CELF2: variants seen among roughly 807,000 people sequenced by gnomAD.
CELF2 encodes the protein CUG triplet repeat RNA-binding protein 2.
A neutral mutation model predicts 62.6 loss-of-function variants in CELF2; 8 were observed. The ratio of observed to expected loss-of-function variants is 0.13; its 90% confidence interval spans 0.07 to 0.23. The LOEUF (loss-of-function observed/expected upper bound fraction) is 0.23. Among genes scored for constraint, CELF2 ranks in the 10% least tolerant of loss-of-function variants. CELF2 has a pLI of 1.00. For synonymous variants in CELF2, 258 were observed against 250.0 expected (o/e 1.03, Z -0.30); for missense variants, 333 against 671.0 (o/e 0.50, Z 5.56).
At chr10:10,652,762 A>G in the CELF2 span, among the ~76,000 whole-genome samples, 1 of 152,122 alleles carries the variant, frequency 6.6e-6, no homozygotes, top group African/African-American at 2.4e-5. Flanking sequence ...CAGCCGCTGC[A>G]AAATCATGCC....
intron 1 of CELF2, among the ~76,000 whole-genome samples, chr10:11,150,713 A>C (rs117831348): frequency 0.013 from 2,052 of 152,300 alleles, 136 homozygotes; most frequent in Admixed American, 0.12. Context: ...TTTGCTTTTG[A>C]AGCTGTGCTA....
At chr10:11,276,911 C>T (rs746854563) in intron 8 of CELF2, among the ~76,000 whole-genome samples, 2 of 152,244 alleles carry the variant, frequency 1.3e-5, no homozygotes, top group African/African-American at 2.4e-5. Flanking sequence ...TGCCGAGGAG[C>T]AGATGGCTAA....
the CELF2 span, among the ~76,000 whole-genome samples, chr10:10,584,653 G>A: frequency 6.6e-6 from 1 of 152,170 alleles, no homozygotes; most frequent in African/African-American, 2.4e-5. Context: ...TGAATCACTT[G>A]TGGAGCTTAC....
chr10:10,531,158 C>T, the CELF2 span, among the ~76,000 whole-genome samples: 392 of 152,312 alleles, frequency 2.6e-3, no homozygotes, highest in African/African-American at 9.1e-3. Context: ...AATTGGCATC[C>T]GCTTGTGGTC....
At chr10:10,606,639 A>G in the CELF2 span, among the ~76,000 whole-genome samples, 4 of 152,200 alleles carry the variant, frequency 2.6e-5, no homozygotes, top group Admixed American at 2.6e-4. Flanking sequence ...TCTTTGTAAC[A>G]TGTTCTAACC....
intron 2 of CELF2, among the ~76,000 whole-genome samples, chr10:10,970,355 C>T (rs1176073487): frequency 1.3e-5 from 2 of 152,114 alleles, no homozygotes; most frequent in African/African-American, 2.4e-5. Context: ...GTGTAAGCCA[C>T]CAAGCCCAGC....
At chr10:11,144,711 G>A (rs1201820944) in intron 1 of CELF2, among the ~76,000 whole-genome samples, 6 of 151,692 alleles carry the variant, frequency 4.0e-5, no homozygotes, top group Non-Finnish European at 8.8e-5. Flanking sequence ...TGGGCAACAT[G>A]AGGAGACCCC....
chr10:11,017,008 C>T (rs920865464), upstream of CELF2, among the ~76,000 whole-genome samples: 3 of 152,196 alleles, frequency 2.0e-5, no homozygotes, highest in Non-Finnish European at 4.4e-5. This position sits in a 1 kb window ranked among gnomAD's most constrained non-coding sequence, Gnocchi z 5.5. Flanking sequence ...GTTTGCCACC[C>T]ACATAATCAA....
At chr10:11,119,864 T>TCTCCCCCCCCCCCCCCCC (rs1399108400) in intron 1 of CELF2, among the ~76,000 whole-genome samples, 8 of 112,090 alleles carry the variant, frequency 7.1e-5, no homozygotes, top group Admixed American at 2.7e-4. Context: ...TGATTCCGCC[T>TCTCCCCCCCCCCCCCCCC]CCCCCCCCCC....
the CELF2 span, among the ~76,000 whole-genome samples, chr10:10,677,687 A>G: frequency 4.6e-5 from 7 of 152,290 alleles, no homozygotes; most frequent in African/African-American, 1.7e-4. Context: ...TTTGTTCTCT[A>G]CAACTGTGCT....
Position 11,307,709 on chromosome 10 carries a change from T to C in CELF2, c.977-6430T>C, listed in dbSNP as rs192889183. Among the ~76,000 whole-genome samples the C allele has an allele frequency of 7.3e-3, 1,106 of 152,232 alleles. 20 individuals are homozygous for C. Among genetic ancestry groups the C allele is most frequent in the African/African-American group, 0.025 (1,039 of 41,516 alleles). ...TGAAACCCCATTTTGCCTCCAGTTG[T>C]TTTGTGTTTTGTTTTTAAGATTCCA... On this transcript the variant is annotated intron_variant, in intron 9 of 12. Coordinates refer to ENST00000633077, the MANE Select transcript of CELF2 (RefSeq NM_001326342.2).
chr10:11,184,819 C>T (rs549017434), intron 2 of CELF2, among the ~76,000 whole-genome samples: 1 of 152,130 alleles, frequency 6.6e-6, no homozygotes, highest in African/African-American at 2.4e-5. Context: ...CGTAAATGGT[C>T]GTGTCATTTG....
At chr10:10,835,531 C>G (rs564194393) in intron 1 of CELF2, among the ~76,000 whole-genome samples, 1 of 151,938 alleles carries the variant, frequency 6.6e-6, no homozygotes, top group African/African-American at 2.4e-5. Flanking sequence ...TACAGATGCC[C>G]GAAACCACAC....
the CELF2 span, among the ~76,000 whole-genome samples, chr10:10,716,084 A>G: frequency 6.6e-6 from 1 of 152,306 alleles, no homozygotes; most frequent in East Asian, 1.9e-4. Context: ...GGATGAATCC[A>G]ACTGTCTTTC....
chr10:11,329,569 CAGG>C lies in CELF2; in HGVS notation c.*519_*521del. Reference sequence around the variant, plus strand: ...TTGGTGGCCTAGGAGAGGGAGAAGCCAGGAGAAGCACTTACTCCAACCACACGT... The same window carrying C: ...TTGGTGGCCTAGGAGAGGGAGAAGCCAGAAGCACTTACTCCAACCACACGT... On this transcript the variant is annotated 3_prime_UTR_variant, in exon 13 of 13. Transcript: ENST00000633077. The surrounding 1 kb of genome is among the most constrained non-coding windows in gnomAD (Gnocchi z 5.5). The C allele has an allele frequency of 6.5e-6, 1 of 152,722 alleles. No individual in the cohort carries two copies. Among genetic ancestry groups the C allele is most frequent in the South Asian group, 2.1e-4 (1 of 4,822 alleles). The allele number at this position is 152,722 out of a possible 1,614,324, so 9.5% of individuals were successfully genotyped here.
At chr10:11,116,842 T>C (rs531578253) in intron 1 of CELF2, among the ~76,000 whole-genome samples, 7 of 152,220 alleles carry the variant, frequency 4.6e-5, no homozygotes, top group Non-Finnish European at 1.0e-4. Flanking sequence ...AGTAGAATAA[T>C]TTATTCATTC....
At chr10:10,846,274 C>T (rs749078891) in intron 1 of CELF2, 1 of 203,816 alleles carries the variant, frequency 4.9e-6, no homozygotes, top group Non-Finnish European at 8.7e-6. Flanking sequence ...CTCCTTCTTG[C>T]TTCCCAGGAC....
chr10:11,215,270 G>A (rs1337100602), intron 2 of CELF2, among the ~76,000 whole-genome samples: 2 of 152,140 alleles, frequency 1.3e-5, no homozygotes, highest in African/African-American at 4.8e-5. Flanking sequence ...ACTGTATGTT[G>A]GTCAAAGCTC....
intron 12 of CELF2, among the ~76,000 whole-genome samples, chr10:11,326,601 C>T (rs768020546): frequency 1.2e-4 from 19 of 152,180 alleles, no homozygotes; most frequent in Non-Finnish European, 1.9e-4. Context: ...GGGTGTTTTT[C>T]GCTCCCTTAG....
Sources: gnomAD v4.1 joint callset for allele counts (sites outside exome capture counted in the v4.1 genomes callset) on GRCh38, gnomAD v4.1.1 for gene constraint, Gnocchi (gnomAD v3.1) non-coding constraint, MANE v1.5 for transcripts, NCBI Gene and HGNC (gene_info 2026-07-23, HGNC 2026-07-21) for gene names.